The following CT47C1 variants were observed in gnomAD, a reference collection of about 807,000 sequenced individuals.
CT47C1 encodes the protein cancer/testis antigen family 47 member C1, also known as cancer/testis antigen family 47 member A11 pseudogene.
At chrX:119,075,018 GGAAGAGAAA>G in the CT47C1 span, 6 of 1,083,378 alleles carry the variant, frequency 5.5e-6, no homozygotes, top group Non-Finnish European at 7.6e-6. Flanking sequence ...CTGCAGGCAA[GGAAGAGAAA>G]GAAGAGAAAG....
the CT47C1 span, among the ~76,000 whole-genome samples, chrX:119,074,278 C>T: frequency 1.8e-5 from 2 of 111,633 alleles, no homozygotes; most frequent in South Asian, 3.8e-4. Flanking sequence ...AATTCTCTAA[C>T]GACATCTATG....
the CT47C1 span, chrX:119,073,501 T>TGAGGAGGAGGAAGAGGAG: frequency 5.9e-6 from 3 of 508,425 alleles, no homozygotes; most frequent in Admixed American, 2.7e-5. Flanking sequence ...AGGAGGAGGA[T>TGAGGAGGAGGAAGAGGAG]GAGGAGGAGG....
the CT47C1 span, chrX:119,073,236 C>T: frequency 2.1e-6 from 1 of 482,046 alleles, no homozygotes; most frequent in Non-Finnish European, 3.6e-6. Context: ...ATGTCTGCCA[C>T]AGGGGATCAA....
the CT47C1 span, among the ~76,000 whole-genome samples, chrX:119,074,430 C>A: frequency 4.1e-4 from 46 of 111,120 alleles, no homozygotes; most frequent in Non-Finnish European, 7.0e-4. Context: ...CAAGGGACAA[C>A]GGAAAGAAAA....
chrX:119,074,691 G>T, the CT47C1 span, among the ~76,000 whole-genome samples: 4 of 110,733 alleles, frequency 3.6e-5, no homozygotes, highest in Non-Finnish European at 5.7e-5. Context: ...CTTCTCCAAA[G>T]AACTAGAAAT....
chrX:119,075,390 A>G, the CT47C1 span, among the ~76,000 whole-genome samples: 1 of 112,059 alleles, frequency 8.9e-6, no homozygotes, highest in African/African-American at 3.2e-5. Context: ...AATGTATCAG[A>G]CCTACTACCT....
chrX:119,074,992 G>C, the CT47C1 span: 1 of 1,063,370 alleles, frequency 9.4e-7, no homozygotes, highest in Admixed American at 2.2e-5. Flanking sequence ...AAAGTGGGAT[G>C]AAGAGGCCCA....
chrX:119,073,427 G>A, the CT47C1 span: 1 of 519,185 alleles, frequency 1.9e-6, no homozygotes. Context: ...CTTGGCCGCA[G>A]CCCCCGGGGG....
chrX:119,073,556 G>A, the CT47C1 span: 2 of 522,616 alleles, frequency 3.8e-6, no homozygotes, highest in African/African-American at 2.2e-5. Flanking sequence ...GGACAACTTC[G>A]ACTTGGTCGC....
the CT47C1 span, among the ~76,000 whole-genome samples, chrX:119,075,690 G>A: frequency 2.7e-4 from 29 of 106,528 alleles, no homozygotes; most frequent in African/African-American, 9.8e-4. Flanking sequence ...AGGCATATCT[G>A]TCTTTGAGTA....
the CT47C1 span, among the ~76,000 whole-genome samples, chrX:119,075,996 T>C: frequency 0.015 from 1,691 of 112,680 alleles, 31 homozygotes; most frequent in African/African-American, 0.052. Context: ...CACCCTGATA[T>C]CCAAGCTTGC....
the CT47C1 span, chrX:119,076,253 A>G: frequency 8.8e-6 from 1 of 113,001 alleles, no homozygotes; most frequent in Admixed American, 9.4e-5. Flanking sequence ...GAATTTTAAC[A>G]CATATCATTC....
At chrX:119,074,107 G>C in the CT47C1 span, 1 of 487,212 alleles carries the variant, frequency 2.1e-6, no homozygotes, top group Non-Finnish European at 3.6e-6. Context: ...GCAGTGGCGG[G>C]GAGACAGGGA....
the CT47C1 span, among the ~76,000 whole-genome samples, chrX:119,076,610 G>T: frequency 8.9e-6 from 1 of 112,430 alleles, no homozygotes; most frequent in African/African-American, 3.2e-5. Flanking sequence ...TACTACCTTA[G>T]TCACTAGTAA....
the CT47C1 span, among the ~76,000 whole-genome samples, chrX:119,076,051 T>C: frequency 2.9e-4 from 33 of 112,765 alleles, no homozygotes; most frequent in African/African-American, 1.0e-3. Context: ...GTTTAAGATA[T>C]AGCACACAAA....
At chrX:119,073,948 G>A in the CT47C1 span, 3 of 787,676 alleles carry the variant, frequency 3.8e-6, no homozygotes, top group Non-Finnish European at 5.7e-6. Context: ...AGGCCTCAGA[G>A]AAGCCCACAG....
the CT47C1 span, chrX:119,073,550 A>G: frequency 1.9e-6 from 1 of 520,041 alleles, no homozygotes; most frequent in African/African-American, 2.3e-5. Flanking sequence ...CGAGGCGGAC[A>G]ACTTCGACTT....
At chrX:119,074,773 C>A in the CT47C1 span, among the ~76,000 whole-genome samples, 160 of 111,042 alleles carry the variant, frequency 1.4e-3, no homozygotes, top group Non-Finnish European at 2.7e-3. Context: ...GATCAAGCAG[C>A]AGCAACGTGA....
chrX:119,073,577 C>T, the CT47C1 span: 4 of 528,941 alleles, frequency 7.6e-6, no homozygotes, highest in East Asian at 1.0e-4. Flanking sequence ...GGCCGCCCGT[C>T]GCTACCCCAT....
Sources: allele counts gnomAD v4.1 joint callset (sites outside exome capture counted in the v4.1 genomes callset), GRCh38; gene constraint gnomAD v4.1.1; transcripts MANE v1.5; gene names NCBI Gene and HGNC (gene_info 2026-07-23, HGNC 2026-07-21).